Variants in PRKN observed in about 807,000 individuals in gnomAD.
PRKN encodes the protein parkin RBR E3 ubiquitin protein ligase.
PRKN carries 56 observed loss-of-function variants against 59.5 expected under a neutral mutation model. The observed-to-expected ratio is 0.94, with a 90% CI of 0.76 to 1.18. PRKN has a LOEUF of 1.18. Among genes scored for constraint, PRKN ranks in the 50% most tolerant of loss-of-function variants. PRKN has a pLI of 0.00. For synonymous variants in PRKN, 250 were observed against 222.1 expected, an observed-to-expected ratio of 1.13 and a Z score of -1.12; for missense variants, 657 against 596.4, an observed-to-expected ratio of 1.10 and a Z score of -1.06.
intron 7 of PRKN, among the ~76,000 whole-genome samples, chr6:161,687,647 G>C (rs969008956): frequency 1.3e-5 from 2 of 151,434 alleles, no homozygotes; most frequent in African/African-American, 4.8e-5. Flanking sequence ...AATAGAGACG[G>C]GGTGTCACCA....
chr6:161,816,106 C>T (rs1328100007), intron 6 of PRKN, among the ~76,000 whole-genome samples: 1 of 152,118 alleles, frequency 6.6e-6, no homozygotes, highest in Non-Finnish European at 1.5e-5. Context: ...CCCAAATGTT[C>T]CTCAACTGAT....
chr6:162,209,653 C>CTT (rs1785107794), intron 3 of PRKN, among the ~76,000 whole-genome samples: 2 of 152,126 alleles, frequency 1.3e-5, no homozygotes, highest in Admixed American at 1.3e-4. Flanking sequence ...AAGACACACG[C>CTT]ACATGTTTGC....
chr6:161,545,566 T>C lies in PRKN; in HGVS notation c.1083+3288A>G. 1.4e-6 allele frequency: 1 copy of C among 711,186 alleles called. No homozygotes were observed. The highest frequency in any genetic ancestry group is 2.5e-6 in the Non-Finnish European group (1 of 397,940). 44.1% of individuals were successfully genotyped at this position (711,186 alleles called of 1,614,324 possible). On this transcript the variant is annotated intron_variant, in intron 9 of 11. Transcript: ENST00000366898. This position sits in a 1 kb window ranked among gnomAD's most constrained non-coding sequence, Gnocchi z 4.1. ...GACAATGGCTTTCCATTACACTCCT[T>C]AAACCCAGAAAAGATGGGCAGCTTA...
intron 1 of PRKN, among the ~76,000 whole-genome samples, chr6:162,671,070 C>G (rs1212555309): frequency 6.6e-6 from 1 of 152,138 alleles, no homozygotes. Context: ...ATAATCTTAT[C>G]TATTTAGAGA....
chr6:162,596,251 T>C (rs1781491335), intron 1 of PRKN, among the ~76,000 whole-genome samples: 1 of 152,234 alleles, frequency 6.6e-6, no homozygotes, highest in Non-Finnish European at 1.5e-5. Flanking sequence ...TATCAATTTT[T>C]CTTTTTCTTT....
intron 8 of PRKN, among the ~76,000 whole-genome samples, chr6:161,559,505 G>A (rs1780373017): frequency 6.6e-6 from 1 of 152,218 alleles, no homozygotes; most frequent in Non-Finnish European, 1.5e-5. Flanking sequence ...GCAAATCCAA[G>A]AGCCTTGCCC....
chr6:162,726,669 C>G (rs1238432468), intron 1 of PRKN, among the ~76,000 whole-genome samples: 4 of 152,196 alleles, frequency 2.6e-5, no homozygotes, highest in Non-Finnish European at 5.9e-5. Flanking sequence ...ATCCACCTCT[C>G]ATCTTTCTTC....
At chr6:161,404,038 G>C (rs928381212) in intron 9 of PRKN, among the ~76,000 whole-genome samples, 5 of 152,096 alleles carry the variant, frequency 3.3e-5, no homozygotes, top group Non-Finnish European at 7.3e-5. Flanking sequence ...ATTCTAGGGA[G>C]TACTCTGATT....
chr6:161,656,737 A>C (rs564217761), intron 7 of PRKN, among the ~76,000 whole-genome samples: 1 of 152,136 alleles, frequency 6.6e-6, no homozygotes, highest in Non-Finnish European at 1.5e-5. Context: ...CCCCTTGGTC[A>C]CTCTCAACCA....
chr6:162,205,070 C>T (rs534495875), intron 3 of PRKN, among the ~76,000 whole-genome samples: 14 of 152,042 alleles, frequency 9.2e-5, no homozygotes, highest in African/African-American at 3.4e-4. Flanking sequence ...ACCATGTTGG[C>T]CTGGATGGTC....
chr6:161,438,330 G>C (rs1202550368), intron 9 of PRKN, among the ~76,000 whole-genome samples: 2 of 146,250 alleles, frequency 1.4e-5, no homozygotes, highest in Non-Finnish European at 3.0e-5. Context: ...TGATTCTCCT[G>C]CCTCAGCCTC....
intron 6 of PRKN, among the ~76,000 whole-genome samples, chr6:161,964,585 G>A (rs1241414908): frequency 6.6e-6 from 1 of 151,970 alleles, no homozygotes; most frequent in East Asian, 1.9e-4. Flanking sequence ...TTCGACTCTA[G>A]AACATACCCT....
intron 7 of PRKN, among the ~76,000 whole-genome samples, chr6:161,699,692 T>C (rs770838861): frequency 6.6e-6 from 1 of 152,024 alleles, no homozygotes; most frequent in Non-Finnish European, 1.5e-5. Context: ...ACAAGCACAG[T>C]GGTTGCCTAT....
At chr6:161,580,367 G>A (rs1488838666) in intron 7 of PRKN, among the ~76,000 whole-genome samples, 3 of 152,140 alleles carry the variant, frequency 2.0e-5, no homozygotes, top group Non-Finnish European at 2.9e-5. Context: ...CTTGGTATGC[G>A]GCTCAGGTGA....
At chr6:162,151,777 A>G (rs1055199619) in intron 4 of PRKN, among the ~76,000 whole-genome samples, 1 of 152,216 alleles carries the variant, frequency 6.6e-6, no homozygotes, top group African/African-American at 2.4e-5. Flanking sequence ...AGATAAAAAT[A>G]TCTTCGGAGG....
At chr6:162,628,994 C>T (rs536831366) in intron 1 of PRKN, among the ~76,000 whole-genome samples, 1 of 152,206 alleles carries the variant, frequency 6.6e-6, no homozygotes, top group African/African-American at 2.4e-5. Context: ...TGCTGGGAAT[C>T]ACTACCAAAG....
rs550960599 is a variant in PRKN, at chr6:161,363,102, C to T, written c.1168-2897G>A. On this transcript the variant is annotated intron_variant, in intron 10 of 11. Transcript: ENST00000366898. The surrounding 1 kb of genome is among the most constrained non-coding windows in gnomAD (Gnocchi z 4.1). ...GCTAAAAACACAACGATTAGCCAAG[C>T]GTGGTGGTGTGCACCTGTAGTCCCA... Among the ~76,000 whole-genome samples, 8 of 152,178 alleles carry T rather than the reference C, an allele frequency of 5.3e-5. No homozygotes were observed. Among genetic ancestry groups the T allele is most frequent in the Admixed American group, 3.9e-4 (6 of 15,284 alleles).
At chr6:161,911,486 A>C (rs1412404565) in intron 6 of PRKN, among the ~76,000 whole-genome samples, 1 of 152,114 alleles carries the variant, frequency 6.6e-6, no homozygotes, top group African/African-American at 2.4e-5. Flanking sequence ...AACTCCTGCA[A>C]CTCGCCAGAT....
At chr6:162,310,571 A>T (rs1233150925) in intron 2 of PRKN, among the ~76,000 whole-genome samples, 1 of 151,918 alleles carries the variant, frequency 6.6e-6, no homozygotes, top group Non-Finnish European at 1.5e-5. Flanking sequence ...TCTGTTGTTT[A>T]AGTTCCCACG....
Sources: allele counts gnomAD v4.1 joint callset (sites outside exome capture counted in the v4.1 genomes callset), GRCh38; gene constraint gnomAD v4.1.1; non-coding constraint Gnocchi (gnomAD v3.1); transcripts MANE v1.5; gene names NCBI Gene and HGNC (gene_info 2026-07-23, HGNC 2026-07-21).